Variants in SORCS3 observed in about 807,000 individuals in gnomAD.
The protein encoded by SORCS3 is VPS10 domain-containing receptor SorCS3.
Under a neutral mutation model 146.3 loss-of-function variants are expected in SORCS3, and 57 were observed. The ratio of observed to expected loss-of-function variants is 0.39; its 90% CI spans 0.31 to 0.49. The LOEUF is 0.49. SORCS3 is among the 20% of genes least tolerant of loss of function. SORCS3 has a pLI of 0.92. For synonymous variants in SORCS3, 653 were observed against 618.5 expected (o/e 1.06, Z -0.83); for missense variants, 1,341 against 1,575.5 (o/e 0.85, Z 2.52).
At chr10:104,838,386 G>A (rs867090243) in intron 1 of SORCS3, among the ~76,000 whole-genome samples, 16 of 151,312 alleles carry the variant, frequency 1.1e-4, no homozygotes, top group East Asian at 4.0e-4. Context: ...CCCCAGTGGC[G>A]TTTGGAAGGC....
At chr10:105,101,024 C>G (rs2055781025) in intron 6 of SORCS3, among the ~76,000 whole-genome samples, 1 of 152,162 alleles carries the variant, frequency 6.6e-6, no homozygotes, top group African/African-American at 2.4e-5. Flanking sequence ...CTTCGGAGTC[C>G]TTGCTTTCAG....
chr10:104,649,043 A>G (rs535674575), intron 1 of SORCS3, among the ~76,000 whole-genome samples: 1 of 152,306 alleles, frequency 6.6e-6, no homozygotes, highest in Non-Finnish European at 1.5e-5. Context: ...AAATAAAGCT[A>G]TGTAGGATAA....
At chr10:104,775,668 G>A (rs2017300165) in intron 1 of SORCS3, among the ~76,000 whole-genome samples, 4 of 152,154 alleles carry the variant, frequency 2.6e-5, no homozygotes, top group Admixed American at 6.5e-5. Context: ...TTGAGTTTGG[G>A]GATGGCATTT....
chr10:105,083,437 T>G (rs977357215), intron 5 of SORCS3, among the ~76,000 whole-genome samples: 1 of 152,120 alleles, frequency 6.6e-6, no homozygotes, highest in African/African-American at 2.4e-5. Flanking sequence ...GGAACTTGGA[T>G]GCTTGAGAGG....
intron 5 of SORCS3, among the ~76,000 whole-genome samples, chr10:105,072,277 G>A (rs966661221): frequency 3.9e-5 from 6 of 152,112 alleles, no homozygotes; most frequent in Non-Finnish European, 8.8e-5. Context: ...ATCTTCTCAC[G>A]TTAGCCCTTT....
chr10:104,844,546 A>C (rs1375450837), intron 2 of SORCS3, among the ~76,000 whole-genome samples: 1 of 152,128 alleles, frequency 6.6e-6, no homozygotes, highest in Admixed American at 6.5e-5. Flanking sequence ...ATGTACCAAG[A>C]GACACTATAT....
intron 1 of SORCS3, among the ~76,000 whole-genome samples, chr10:104,647,680 G>C (rs140402273): frequency 0.011 from 1,675 of 152,214 alleles, 30 homozygotes; most frequent in African/African-American, 0.038. Context: ...TTAGCTGCAG[G>C]GTAAGAGGAG....
At chr10:105,218,632 G>C (rs1015353998) in intron 19 of SORCS3, among the ~76,000 whole-genome samples, 2 of 152,344 alleles carry the variant, frequency 1.3e-5, no homozygotes, top group African/African-American at 4.8e-5. Flanking sequence ...TTCAGAACAA[G>C]GGAGATCTGT....
At chr10:104,672,262 G>C (rs2015864201) in intron 1 of SORCS3, among the ~76,000 whole-genome samples, 1 of 152,082 alleles carries the variant, frequency 6.6e-6, no homozygotes, top group African/African-American at 2.4e-5. Context: ...GCATACAATT[G>C]TTCATAGTAC....
intron 3 of SORCS3, among the ~76,000 whole-genome samples, chr10:104,962,554 C>T (rs2054802184): frequency 6.6e-6 from 1 of 152,160 alleles, no homozygotes; most frequent in Non-Finnish European, 1.5e-5. Context: ...CCTGTCCACA[C>T]TGAGTCTTCT....
chr10:105,082,515 T>C (rs1966857), intron 5 of SORCS3, among the ~76,000 whole-genome samples: 34,551 of 152,196 alleles, frequency 0.23, 4,155 homozygotes, highest in Admixed American at 0.34. Context: ...TCTAACTCTA[T>C]GAAGTAGGTA....
chr10:105,197,713 C>G lies in SORCS3; in HGVS notation c.2010-2286C>G, dbSNP rs1051744065. 2.0e-5 allele frequency among the ~76,000 whole-genome samples: 3 copies of G among 152,118 alleles called. No homozygotes were observed. In the East Asian group the frequency reaches 5.8e-4, roughly 29 times the overall value. ...CAAGCCCCATTTCTTTTATCTGGTA[C>G]TTATGTAATTACCATGGAGAGGATC... On this transcript the variant is annotated intron_variant, in intron 14 of 26. Coordinates refer to ENST00000369701, the MANE Select transcript of SORCS3 (RefSeq NM_014978.3).
At chr10:105,000,401 G>T (rs1171065385) in intron 4 of SORCS3, among the ~76,000 whole-genome samples, 1 of 151,946 alleles carries the variant, frequency 6.6e-6, no homozygotes, top group Non-Finnish European at 1.5e-5. Flanking sequence ...ACATGGACTT[G>T]TCTATGCTGC....
chr10:105,246,076 T>G (rs1190515860), intron 21 of SORCS3, among the ~76,000 whole-genome samples: 2 of 152,208 alleles, frequency 1.3e-5, no homozygotes, highest in Admixed American at 6.5e-5. Context: ...ATGATCTCTA[T>G]TCACAACAGA....
At chr10:104,955,851 G>T (rs1433378644) in intron 3 of SORCS3, among the ~76,000 whole-genome samples, 1 of 152,126 alleles carries the variant, frequency 6.6e-6, no homozygotes, top group African/African-American at 2.4e-5. Context: ...AATAAATTGG[G>T]CTCTGAGAAG....
At chr10:104,841,357 CT>C (rs1332112963) in intron 1 of SORCS3, among the ~76,000 whole-genome samples, 1 of 152,122 alleles carries the variant, frequency 6.6e-6, no homozygotes, top group Non-Finnish European at 1.5e-5. Context: ...AATACATACT[CT>C]TTGATTTGTG....
intron 1 of SORCS3, among the ~76,000 whole-genome samples, chr10:104,697,482 C>T (rs139243320): frequency 5.3e-5 from 8 of 152,240 alleles, no homozygotes; most frequent in African/African-American, 1.7e-4. Flanking sequence ...TTCTCCTGGG[C>T]GAGAAATTGC....
intron 6 of SORCS3, among the ~76,000 whole-genome samples, chr10:105,096,837 G>A (rs1255482865): frequency 1.3e-5 from 2 of 151,984 alleles, no homozygotes; most frequent in Non-Finnish European, 2.9e-5. Context: ...TACATACCAG[G>A]TTTCAAATAT....
At position 104,843,781 on chromosome 10, in the gene SORCS3, G is replaced by A. The variant is rs11813850; in HGVS notation, c.695+922G>A. Among the ~76,000 whole-genome samples, 854 of 152,324 alleles carry A rather than the reference G, an allele frequency of 5.6e-3. 15 individuals are homozygous for A. The highest frequency in any genetic ancestry group is 0.019 in the African/African-American group (793 of 41,572). On this transcript the variant is annotated intron_variant, in intron 2 of 26. Transcript: ENST00000369701. ...CGTGCAGTCACACTGGTCGACAGCG[G>A]GTCTTATCAGTCACTGGGACTTGGT...
Sources: gnomAD v4.1 joint callset for allele counts (sites outside exome capture counted in the v4.1 genomes callset) on GRCh38, gnomAD v4.1.1 for gene constraint, MANE v1.5 for transcripts, NCBI Gene and HGNC (gene_info 2026-07-23, HGNC 2026-07-21) for gene names.